The following FLCN variants were observed in gnomAD, a reference collection of about 807,000 sequenced individuals.
FLCN encodes the protein BHD skin lesion fibrofolliculoma protein.
In FLCN, 22 loss-of-function variants were observed where a neutral mutation model predicts 62.5. That is an observed-to-expected ratio of 0.35 (90% CI 0.25 to 0.50). The LOEUF (loss-of-function observed/expected upper bound fraction) is 0.50. FLCN is among the 20% of genes least tolerant of loss of function. The probability of loss-of-function intolerance (pLI) is 0.97; values close to 1 mark genes in which losing one functional copy is unlikely to be tolerated. For missense variants in FLCN, 657 were observed against 778.0 expected (o/e 0.84, Z 1.85); for synonymous variants, 319 against 310.0 (o/e 1.03, Z -0.30).
chr17:17,234,207 T>G (rs2047510475), intron 1 of FLCN, among the ~76,000 whole-genome samples: 2 of 146,032 alleles, frequency 1.4e-5, no homozygotes, highest in Admixed American at 6.7e-5. Flanking sequence ...TGTTTTGTTT[T>G]TTTTTGGTTT....
chr17:17,226,329 A>G lies in FLCN; in HGVS notation c.250-7T>C, dbSNP rs748857550. 6.2e-7 allele frequency: 1 copy of G among 1,614,198 alleles called. No individual in the cohort carries two copies. Among genetic ancestry groups the G allele is most frequent in the Non-Finnish European group, 8.5e-7 (1 of 1,180,044 alleles). On this transcript the variant is annotated splice_polypyrimidine_tract_variant and splice_region_variant and intron_variant, in intron 4 of 13. Coordinates refer to ENST00000285071, the MANE Select transcript of FLCN (RefSeq NM_144997.7). Reference sequence around the variant, plus strand: ...CAGCAAGTGACCGGCAGCCCTGTCCATGAAAAGGAAAAGTAAATCTGTTAG... The same window carrying G: ...CAGCAAGTGACCGGCAGCCCTGTCCGTGAAAAGGAAAAGTAAATCTGTTAG...
intron 11 of FLCN, among the ~76,000 whole-genome samples, chr17:17,215,657 T>C (rs543268863): frequency 3.9e-5 from 6 of 152,202 alleles, no homozygotes; most frequent in Non-Finnish European, 8.8e-5. Context: ...AGACGTTAAA[T>C]AACCTGCTCG....
At chr17:17,233,367 G>A (rs1477432949) in intron 1 of FLCN, among the ~76,000 whole-genome samples, 1 of 152,042 alleles carries the variant, frequency 6.6e-6, no homozygotes, top group Admixed American at 6.6e-5. Context: ...GGAGGCCGAG[G>A]TGGGCAGATC....
chr17:17,228,491 G>A, intron 3 of FLCN: 1 of 329,476 alleles, frequency 3.0e-6, no homozygotes, highest in Non-Finnish European at 5.8e-6. Flanking sequence ...AGCCAAACCT[G>A]GCAAACCCTG....
chr17:17,223,806 A>G (rs1441527771), intron 6 of FLCN, 116 bp downstream of exon 6: 21 of 1,025,594 alleles, frequency 2.0e-5, no homozygotes, highest in Non-Finnish European at 3.1e-5. Context: ...CACACAGTGC[A>G]CTGGCTGTAA....
At chr17:17,227,232 A>G (rs2047278329) in intron 4 of FLCN, among the ~76,000 whole-genome samples, 1 of 152,054 alleles carries the variant, frequency 6.6e-6, no homozygotes, top group Admixed American at 6.5e-5. Context: ...CAAGTGGCCC[A>G]CTGGGGAAAA....
intron 6 of FLCN, 67 bp downstream of exon 6, chr17:17,223,855 C>T (rs1370515490): frequency 1.5e-5 from 24 of 1,555,626 alleles, no homozygotes; most frequent in Non-Finnish European, 1.9e-5. Flanking sequence ...AGGCCTCAAC[C>T]TCAGCACAGA....
intron 9 of FLCN, among the ~76,000 whole-genome samples, chr17:17,218,582 A>G (rs1597590203): frequency 1.3e-5 from 2 of 151,896 alleles, no homozygotes; most frequent in African/African-American, 4.8e-5. Context: ...GGGTTTCACC[A>G]TGTTGGCCAG....
chr17:17,234,319 C>T (rs2047518516), intron 1 of FLCN, among the ~76,000 whole-genome samples: 1 of 150,598 alleles, frequency 6.6e-6, no homozygotes, highest in South Asian at 2.1e-4. Context: ...TCAAGCAATT[C>T]TCCTGCCTCA....
intron 3 of FLCN, among the ~76,000 whole-genome samples, chr17:17,230,455 T>A (rs2047386139): frequency 6.6e-6 from 1 of 151,960 alleles, no homozygotes; most frequent in Non-Finnish European, 1.5e-5. Flanking sequence ...CACTTGAACC[T>A]GGGAGGCAAG....
rs2292527 is a variant in FLCN at position 17,222,727 on chromosome 17, G to A, written c.619-66C>T. The A allele has an allele frequency of 0.045, 72,684 of 1,600,496 alleles. 2,774 individuals carry two copies. The highest frequency in any genetic ancestry group is 0.16 in the South Asian group (14,040 of 90,080). ...CTGCCAGCAGCTCGGACCCCTACTC[G>A]TTCACAGCCAACTCCAGGACCTGAC... is the stretch of plus-strand genomic sequence containing the variant. On this transcript the variant is annotated intron_variant, in intron 6 of 13. Coordinates refer to ENST00000285071, the MANE Select transcript of FLCN (RefSeq NM_144997.7).
Position 17,220,840 on chromosome 17 carries a change from T to C in FLCN, c.871+697A>G, listed in dbSNP as rs1036763659. The C allele has an allele frequency of 1.7e-4, 35 of 203,226 alleles. 1 individual carries two copies. The highest frequency in any genetic ancestry group is 3.7e-4 in the East Asian group (3 of 8,180). 12.6% of individuals were successfully genotyped at this position (203,226 alleles called of 1,614,324 possible). ...CTTGCTGAGACTCCATTGGCAAAGC[T>C]TATTTGAGGGCACGCCTGCACCTGC... is the stretch of plus-strand genomic sequence containing the variant. On this transcript the variant is annotated intron_variant, in intron 8 of 13. Coordinates refer to ENST00000285071, the MANE Select transcript of FLCN (RefSeq NM_144997.7).
intron 1 of FLCN, among the ~76,000 whole-genome samples, chr17:17,234,212 TGG>T (rs369674345): frequency 0.056 from 5,221 of 92,838 alleles, 185 homozygotes; most frequent in African/African-American, 0.11. Flanking sequence ...TGTTTTTTTT[TGG>T]TTTGTTTTTT....
chr17:17,222,373 A>G (rs1315401570), intron 7 of FLCN, 128 bp downstream of exon 7: 1 of 1,324,398 alleles, frequency 7.6e-7, no homozygotes, highest in Non-Finnish European at 1.1e-6. Flanking sequence ...CCCACAGGCC[A>G]GTGCTCCTCA....
intron 5 of FLCN, 71 bp from the exon 6 acceptor site, chr17:17,224,214 G>A: frequency 7.2e-7 from 1 of 1,389,248 alleles, no homozygotes; most frequent in Non-Finnish European, 1.0e-6. Flanking sequence ...CTCTTCTTCA[G>A]ACTTTTCAGA....
chr17:17,218,609 T>C (rs2046993653), intron 9 of FLCN, among the ~76,000 whole-genome samples: 1 of 152,080 alleles, frequency 6.6e-6, no homozygotes, highest in Non-Finnish European at 1.5e-5. Context: ...CTCGAACTCC[T>C]GACCTCGTGA....
intron 3 of FLCN, among the ~76,000 whole-genome samples, chr17:17,229,633 C>T (rs1438642354): frequency 6.6e-6 from 1 of 152,184 alleles, no homozygotes; most frequent in African/African-American, 2.4e-5. Context: ...CACTGCACGC[C>T]GAACAGTGGT....
At chr17:17,217,621 C>T in intron 9 of FLCN, 1 of 316,744 alleles carries the variant, frequency 3.2e-6, no homozygotes, top group Non-Finnish European at 6.1e-6. Context: ...CATCTGACAT[C>T]CAGCCGTGTG....
intron 6 of FLCN, among the ~76,000 whole-genome samples, chr17:17,223,439 C>T (rs1234370235): frequency 1.3e-5 from 2 of 149,470 alleles, no homozygotes; most frequent in Admixed American, 1.3e-4. Flanking sequence ...GCCAGGACGA[C>T]CACAGCAAGC....
Sources: gnomAD v4.1 joint callset for allele counts (sites outside exome capture counted in the v4.1 genomes callset) on GRCh38, gnomAD v4.1.1 for gene constraint, MANE v1.5 for transcripts, NCBI Gene and HGNC (gene_info 2026-07-23, HGNC 2026-07-21) for gene names.